The following SLC39A8 variants were observed in gnomAD, a reference collection of about 807,000 sequenced individuals.
The protein encoded by SLC39A8 is solute carrier family 39 member 8, also known as metal cation symporter ZIP8.
SLC39A8 carries 15 observed loss-of-function variants against 40.4 expected under a neutral mutation model. The ratio of observed to expected loss-of-function variants is 0.37; its 90% CI spans 0.25 to 0.57. SLC39A8 has a LOEUF of 0.57. SLC39A8 is among the 20% of genes least tolerant of loss of function. SLC39A8 has a pLI of 0.75. For missense variants in SLC39A8, 472 were observed against 558.8 expected (o/e 0.84, Z 1.57); for synonymous variants, 223 against 221.6 (o/e 1.01, Z -0.06).
intron 6 of SLC39A8, among the ~76,000 whole-genome samples, chr4:102,299,927 C>A (rs1479904744): frequency 6.6e-6 from 1 of 151,996 alleles, no homozygotes; most frequent in Admixed American, 6.6e-5. Flanking sequence ...GGGAGCCCCA[C>A]CCGGCTGCAG....
intron 2 of SLC39A8, among the ~76,000 whole-genome samples, chr4:102,325,735 GTTTCT>G (rs1333873035): frequency 1.3e-5 from 2 of 151,902 alleles, no homozygotes; most frequent in East Asian, 3.9e-4. Context: ...TTGTATTTCA[GTTTCT>G]TTTAAGAAAA....
intron 3 of SLC39A8, among the ~76,000 whole-genome samples, chr4:102,314,110 G>A (rs148197881): frequency 1.6e-4 from 24 of 152,010 alleles, no homozygotes; most frequent in East Asian, 3.9e-4. Flanking sequence ...TCTCCATCCC[G>A]GGAAATGGTA....
chr4:102,269,550 C>T (rs931866092), intron 6 of SLC39A8, among the ~76,000 whole-genome samples: 23 of 152,092 alleles, frequency 1.5e-4, no homozygotes, highest in East Asian at 1.9e-4. Context: ...CTTCAAATAC[C>T]GAATTCATTT....
intron 2 of SLC39A8, among the ~76,000 whole-genome samples, chr4:102,318,999 C>G (rs1405181209): frequency 2.6e-5 from 4 of 152,190 alleles, no homozygotes; most frequent in Non-Finnish European, 4.4e-5. Flanking sequence ...CTCCTATTCA[C>G]TGGTCTCTTG....
chr4:102,320,197 A>ATATATGTATATATATATGTATATATG (rs1734858679), intron 2 of SLC39A8, among the ~76,000 whole-genome samples: 1 of 137,316 alleles, frequency 7.3e-6, no homozygotes, highest in Non-Finnish European at 1.5e-5. Flanking sequence ...ATATGTATAT[A>ATATATGTATATATATATGTATATATG]TATATGTATA....
chr4:102,267,201 C>T (rs947581619), intron 8 of SLC39A8, among the ~76,000 whole-genome samples: 6 of 150,264 alleles, frequency 4.0e-5, no homozygotes, highest in African/African-American at 1.5e-4. Flanking sequence ...ATGTACCAAC[C>T]ACAAGGGGAA....
chr4:102,288,441 T>C (rs1052758708), intron 6 of SLC39A8, among the ~76,000 whole-genome samples: 1 of 152,224 alleles, frequency 6.6e-6, no homozygotes, highest in African/African-American at 2.4e-5. Flanking sequence ...GAAATTATGC[T>C]AACTAATAAT....
At chr4:102,335,051 C>T (rs574435774) in intron 2 of SLC39A8, among the ~76,000 whole-genome samples, 1 of 152,236 alleles carries the variant, frequency 6.6e-6, no homozygotes, top group South Asian at 2.1e-4. Flanking sequence ...ACTTAAACAG[C>T]GTTCATCCCA....
intron 2 of SLC39A8, among the ~76,000 whole-genome samples, chr4:102,334,734 C>T (rs924470944): frequency 6.6e-6 from 1 of 152,144 alleles, no homozygotes; most frequent in African/African-American, 2.4e-5. Context: ...TACTCTTCAG[C>T]ATGAGAGGCA....
chr4:102,262,170 TCTTTAA>T lies in SLC39A8; in HGVS notation c.*868_*873del. The T allele has an allele frequency of 1.0e-6, 1 of 985,946 alleles. No homozygotes were observed. The highest frequency in any genetic ancestry group is 1.2e-6 in the Non-Finnish European group (1 of 829,870). The allele number at this position is 985,946 out of a possible 1,614,324, so 61.1% of individuals were successfully genotyped here. On this transcript the variant is annotated 3_prime_UTR_variant, in exon 9 of 9. Coordinates refer to ENST00000356736, the MANE Select transcript of SLC39A8 (RefSeq NM_001135146.2). ...ATTCTCTGCTAAATAGTTATGTTTG[TCTTTAA>T]AAGTAAATTGCATAAAATTACATCC...
exon 12 of SLC39A8, chr4:102,253,348 C>T: frequency 1.4e-6 from 1 of 698,320 alleles, no homozygotes; most frequent in Non-Finnish European, 2.7e-6. Context: ...CATATGCCAA[C>T]CTCTAACCAA....
At chr4:102,314,128 C>T (rs1734558499) in intron 3 of SLC39A8, among the ~76,000 whole-genome samples, 1 of 152,054 alleles carries the variant, frequency 6.6e-6, no homozygotes, top group African/African-American at 2.4e-5. Flanking sequence ...GTATAACGAT[C>T]TCTCCGGTTT....
intron 2 of SLC39A8, among the ~76,000 whole-genome samples, chr4:102,331,160 G>A (rs1168945437): frequency 6.6e-6 from 1 of 152,174 alleles, no homozygotes; most frequent in Non-Finnish European, 1.5e-5. Flanking sequence ...ACATAGTACT[G>A]GAAGTTCTGG....
intron 2 of SLC39A8, among the ~76,000 whole-genome samples, chr4:102,320,291 T>C (rs182506874): frequency 8.3e-6 from 1 of 120,790 alleles, no homozygotes; most frequent in Non-Finnish European, 1.7e-5. Context: ...TGAGTATATA[T>C]ATGAGAATAT....
intron 3 of SLC39A8, 40 bp from the exon 4 acceptor site, chr4:102,307,645 G>A (rs771649380): frequency 1.3e-6 from 2 of 1,576,674 alleles, no homozygotes; most frequent in African/African-American, 1.4e-5. Context: ...ATTAATCAGA[G>A]CAAGGAACCA....
chr4:102,335,262 A>G (rs894747378), intron 2 of SLC39A8, among the ~76,000 whole-genome samples: 3 of 152,168 alleles, frequency 2.0e-5, no homozygotes, highest in African/African-American at 7.2e-5. Flanking sequence ...AGAACATATG[A>G]TGAATATTTA....
At chr4:102,301,688 A>G (rs1266748225) in intron 6 of SLC39A8, among the ~76,000 whole-genome samples, 2 of 152,072 alleles carry the variant, frequency 1.3e-5, no homozygotes, top group African/African-American at 4.8e-5. Flanking sequence ...AATTATGTAA[A>G]ACAGGATCAT....
intron 2 of SLC39A8, among the ~76,000 whole-genome samples, chr4:102,342,193 C>A (rs1735972986): frequency 1.3e-5 from 2 of 152,272 alleles, no homozygotes; most frequent in Admixed American, 1.3e-4. Context: ...TGATTATTGT[C>A]ATCATTAGGA....
intron 2 of SLC39A8, among the ~76,000 whole-genome samples, chr4:102,325,964 C>A (rs998271462): frequency 6.6e-6 from 1 of 152,116 alleles, no homozygotes; most frequent in Non-Finnish European, 1.5e-5. Context: ...TTCAGCTTTT[C>A]GAGGTCTTGT....
Sources: gnomAD v4.1 joint callset for allele counts (sites outside exome capture counted in the v4.1 genomes callset) on GRCh38, gnomAD v4.1.1 for gene constraint, MANE v1.5 for transcripts, NCBI Gene and HGNC (gene_info 2026-07-23, HGNC 2026-07-21) for gene names.